ADGRE5: variants seen among roughly 807,000 people sequenced by gnomAD.
The protein encoded by ADGRE5 is adhesion G protein-coupled receptor E5, also known as CD97 molecule.
In ADGRE5, 72 loss-of-function variants were observed where a neutral mutation model predicts 100.3. The observed-to-expected ratio is 0.72, with a 90% CI of 0.59 to 0.87. ADGRE5 has a LOEUF of 0.87. Ranked by LOEUF, ADGRE5 falls within the 40% of genes least tolerant of loss-of-function variation. The pLI is 0.00. For synonymous variants in ADGRE5, 439 were observed against 447.8 expected, an observed-to-expected ratio of 0.98 and a Z score of 0.25; for missense variants, 959 against 1,094.7, an observed-to-expected ratio of 0.88 and a Z score of 1.75.
Position 14,396,578 on chromosome 19 carries a change from C to T in ADGRE5, c.478+105C>T, listed in dbSNP as rs563446914. 1.5e-4 allele frequency: 224 copies of T among 1,526,876 alleles called. No individual in the cohort carries two copies. The African/African-American group carries it at 2.8e-3, about 19-fold the overall frequency. The allele number at this position is 1,526,876 out of a possible 1,614,324, so 94.6% of individuals were successfully genotyped here. ...GAGGAGGGGGAAGATCCGCAGGTTCCCACAAGGTCAAGGACCTGCTAAGCC... is the reference window on the plus strand; with the variant it reads ...GAGGAGGGGGAAGATCCGCAGGTTCTCACAAGGTCAAGGACCTGCTAAGCC... On this transcript the variant is annotated intron_variant, in intron 5 of 19. Coordinates refer to ENST00000242786, the MANE Select transcript of ADGRE5 (RefSeq NM_078481.4).
chr19:14,402,716 C>G lies in ADGRE5; in HGVS notation c.1303C>G (p.Arg435Gly). 6.2e-7 allele frequency: 1 copy of G among 1,614,160 alleles called. No individual in the cohort carries two copies. The highest frequency in any genetic ancestry group is 8.5e-7 in the Non-Finnish European group (1 of 1,180,036). Residue 435 changes from arginine (R) to glycine (G), a missense_variant, in exon 12 of 20, where the codon CGT becomes GGT. This residue lies in a region of ADGRE5 where 246 missense variants were observed against 242.2 expected (regional missense o/e 1.02). Transcript: ENST00000242786. ...GGAGGAGATATATGAAAGCAGCATC[C>G]GTGGTGTCCAACTCAGACGCCTCTC... Reference protein sequence around the residue: ...ELEEIYESSIRGVQLRRLSAV... With the variant: ...ELEEIYESSIGGVQLRRLSAV...
chr19:14,403,864 CTTTTTTTT>C (rs58411522), intron 12 of ADGRE5, among the ~76,000 whole-genome samples: 4 of 74,264 alleles, frequency 5.4e-5, no homozygotes, highest in Admixed American at 1.6e-4. Flanking sequence ...GCCTCTCCCA[CTTTTTTTT>C]TTTTTTTTTT....
At chr19:14,385,010 CTTTTTTTTTTTTT>C (rs56960989) in intron 1 of ADGRE5, among the ~76,000 whole-genome samples, 2 of 68,684 alleles carry the variant, frequency 2.9e-5, no homozygotes, top group South Asian at 7.4e-4. Flanking sequence ...GACTCTTGCT[CTTTTTTTTTTTTT>C]TTTTTTTTTG....
At position 14,384,987 on chromosome 19, in the gene ADGRE5, T is replaced by C. The variant is rs557036638; in HGVS notation, c.22+3442T>C. On this transcript the variant is annotated intron_variant, in intron 1 of 19. Coordinates refer to ENST00000242786, the MANE Select transcript of ADGRE5 (RefSeq NM_078481.4). ...CTTTGTTCTTTTCTTTTCTTTCTTT[T>C]TTTTTTTTTTGAGACTCTTGCTCTT... Among the ~76,000 whole-genome samples, 745 of 149,516 alleles carry C rather than the reference T, an allele frequency of 5.0e-3. 4 individuals carry two copies. The highest frequency in any genetic ancestry group is 8.2e-3 in the Non-Finnish European group (553 of 67,400).
Position 14,401,908 on chromosome 19 carries a change from A to G in ADGRE5, c.1183+148A>G, listed in dbSNP as rs535030208. The G allele has an allele frequency of 1.9e-6, 1 of 515,120 alleles. No homozygotes were observed. Among genetic ancestry groups the G allele is most frequent in the South Asian group, 3.3e-5 (1 of 30,750 alleles). 31.9% of individuals were successfully genotyped at this position (515,120 alleles called of 1,614,324 possible). ...CATTTTGGGAGGCCCAGGTGGGTAGATCGCTTGAGCTCAGAAGTTCAAGAC... is the reference window on the plus strand; with the variant it reads ...CATTTTGGGAGGCCCAGGTGGGTAGGTCGCTTGAGCTCAGAAGTTCAAGAC... On this transcript the variant is annotated intron_variant, in intron 11 of 19. Coordinates refer to ENST00000242786, the MANE Select transcript of ADGRE5 (RefSeq NM_078481.4). The surrounding 1 kb of genome is among the most constrained non-coding windows in gnomAD (Gnocchi z 4.1).
In ADGRE5 at chr19:14,408,374, G is replaced by A. The variant is rs1020580253; in HGVS notation, c.*253G>A. The A allele has an allele frequency of 1.6e-6, 1 of 610,994 alleles. No homozygotes were observed. The highest frequency in any genetic ancestry group is 2.9e-6 in the Non-Finnish European group (1 of 340,998). The allele number at this position is 610,994 out of a possible 1,614,324, so 37.8% of individuals were successfully genotyped here. ...CCTTGTGACCCAGGGTGGGGACAGG[G>A]GCTGGCCCAGGGCTGCAATGCAGCA... On this transcript the variant is annotated 3_prime_UTR_variant, in exon 20 of 20. Transcript: ENST00000242786.
intron 5 of ADGRE5, 100 bp downstream of exon 5, chr19:14,396,573 G>T (rs1182835462): frequency 6.5e-7 from 1 of 1,542,448 alleles, no homozygotes; most frequent in East Asian, 2.3e-5. Context: ...AAGATCCGCA[G>T]GTTCCCACAA....
chr19:14,385,010 C>CTTTTTTTTT (rs56960989), intron 1 of ADGRE5, among the ~76,000 whole-genome samples: 9 of 68,690 alleles, frequency 1.3e-4, no homozygotes, highest in Admixed American at 3.5e-4. Context: ...GACTCTTGCT[C>CTTTTTTTTT]TTTTTTTTTT....
chr19:14,406,212 C>T lies in ADGRE5; in HGVS notation c.1822-119C>T, dbSNP rs1368537491. Reference sequence around the variant, plus strand: ...GGGGAAACCTGGCCCCCGCTCCAGACCCGCCCACCCTCCGGCTGTGGTCCC... The same window carrying T: ...GGGGAAACCTGGCCCCCGCTCCAGATCCGCCCACCCTCCGGCTGTGGTCCC... On this transcript the variant is annotated intron_variant, in intron 14 of 19. Transcript: ENST00000242786. The surrounding 1 kb of genome is among the most constrained non-coding windows in gnomAD (Gnocchi z 6.0). The T allele has an allele frequency of 4.0e-5, 34 of 851,932 alleles. 1 individual carries two copies. In the South Asian group the frequency reaches 5.7e-4, roughly 14 times the overall value. 52.8% of individuals were successfully genotyped at this position (851,932 alleles called of 1,614,324 possible). A position where few individuals can be genotyped will look rare whatever the true frequency, so the allele number is the denominator to read the frequency against.
rs377627126 is a variant in ADGRE5, at chr19:14,404,557, G to C, written c.1624G>C (p.Val542Leu). ...SFAILMAHYD[V>L]EDWKLTLITR... Reference sequence around the variant, plus strand: ...TGCGATCCTTATGGCTCATTATGACGTGGAGGTAAGTAGCTGGAGGCATCC... The same window carrying C: ...TGCGATCCTTATGGCTCATTATGACCTGGAGGTAAGTAGCTGGAGGCATCC... The change falls in exon 13 of 20, where the codon GTG (valine) becomes CTG (leucine). Residue 542 changes from valine (V) to leucine (L), a missense_variant. Val to Leu is a conservative substitution (Grantham distance 32). Transcript: ENST00000242786. The C allele has an allele frequency of 2.5e-6, 4 of 1,612,336 alleles. No individual in the cohort carries two copies. The highest frequency in any genetic ancestry group is 1.7e-4 in the Middle Eastern group (1 of 6,052).
At chr19:14,388,880 G>C in intron 3 of ADGRE5, 62 bp downstream of exon 3, 1 of 1,460,446 alleles carries the variant, frequency 6.8e-7, no homozygotes, top group South Asian at 1.1e-5. Flanking sequence ...CCCAGCCAGT[G>C]GGGGACAGAG....
At position 14,404,463 on chromosome 19, in the gene ADGRE5, C is replaced by T. The variant is rs368876788; in HGVS notation, c.1530C>T (p.Thr510=). 24 of 1,612,204 alleles carry T rather than the reference C, an allele frequency of 1.5e-5. No homozygotes were observed. In the East Asian group the frequency reaches 1.8e-4, roughly 12 times the overall value. ...GCGACAGGGGAGGGCACTGGGCCAC[C>T]GAGGGCTGCCAGGTGCTGGGCAGCA... ...SDSDRGGHWA[T]EGCQVLGSKN... is the part of the protein sequence containing the mutation. The change falls in exon 13 of 20, where the codon ACC becomes ACT. Residue 510 remains threonine, a synonymous_variant. Transcript: ENST00000242786.
Position 14,408,110 on chromosome 19 carries a change from T to A in ADGRE5, c.2497T>A (p.Ser833Thr), listed in dbSNP as rs1052864114. Residue 833 changes from serine (S) to threonine (T), a missense_variant, in exon 20 of 20, where the codon TCC (serine) becomes ACC (threonine). By Grantham distance (58) the Ser-to-Thr change is moderately conservative. This residue lies in a region of ADGRE5 where 428 missense variants were observed against 386.2 expected (regional missense o/e 1.11). Transcript: ENST00000242786. Reference protein sequence around the residue: ...NQTRALRASESGI With the variant: ...NQTRALRASETGI ...TCTCCAGGCCCTCAGGGCATCAGAG[T>A]CCGGCATATGAAGGCGCATGGTTCT... 6.2e-7 allele frequency: 1 copy of A among 1,613,010 alleles called. No homozygotes were observed. Among genetic ancestry groups the A allele is most frequent in the Non-Finnish European group, 8.5e-7 (1 of 1,179,918 alleles).
intron 12 of ADGRE5, 29 bp from the exon 13 acceptor site, chr19:14,404,354 C>A: frequency 2.5e-6 from 4 of 1,591,422 alleles, no homozygotes; most frequent in Middle Eastern, 3.9e-4. Context: ...TCCAGGCCAA[C>A]CTTTCTGACC....
At chr19:14,404,643 A>G in intron 13 of ADGRE5, 81 bp downstream of exon 13, 1 of 1,385,590 alleles carries the variant, frequency 7.2e-7, no homozygotes, top group Admixed American at 2.2e-5. Flanking sequence ...TTCTCCATGG[A>G]GCCCTACTGG....
At position 14,406,526 on chromosome 19, in the gene ADGRE5, A is replaced by G. The variant is rs1599635412; in HGVS notation, c.2017A>G (p.Ile673Val). 5 of 1,574,382 alleles carry G rather than the reference A, an allele frequency of 3.2e-6. No homozygotes were observed. Among genetic ancestry groups the G allele is most frequent in the Non-Finnish European group, 4.3e-6 (5 of 1,160,326 alleles). ...GCTCATCGTGGGCGTCTCGGCTGCCATCTACAGCAAGGGCTACGGCCGCCC... is the reference window on the plus strand; with the variant it reads ...GCTCATCGTGGGCGTCTCGGCTGCCGTCTACAGCAAGGGCTACGGCCGCCC... ...PLLIVGVSAA[I>V]YSKGYGRPRY... The change falls in exon 15 of 20, where the codon ATC becomes GTC. Residue 673 changes from isoleucine to valine, a missense_variant. Transcript: ENST00000242786. This position sits in a 1 kb window ranked among gnomAD's most constrained non-coding sequence, Gnocchi z 6.0.
Position 14,401,749 on chromosome 19 carries a change from C to T in ADGRE5, c.1172C>T (p.Ala391Val), listed in dbSNP as rs769484947. 6.4e-7 allele frequency: 1 copy of T among 1,553,822 alleles called. No homozygotes were observed. The highest frequency in any genetic ancestry group is 2.0e-5 in the Admixed American group (1 of 50,128). ...CTGAATTGGGCTGTGGCAGCTGGAGCCGAGGATCCAGGTAGCAGCGGTGGT... is the reference window on the plus strand; with the variant it reads ...CTGAATTGGGCTGTGGCAGCTGGAGTCGAGGATCCAGGTAGCAGCGGTGGT... The part of the protein sequence containing the change: ...MKLNWAVAAG[A>V]EDPGPAVAGI... The change falls in exon 11 of 20, where the codon GCC (alanine) becomes GTC (valine). Residue 391 changes from alanine to valine, a missense_variant. This residue lies in a region of ADGRE5 where 246 missense variants were observed against 242.2 expected (regional missense o/e 1.02). Transcript: ENST00000242786. This position sits in a 1 kb window ranked among gnomAD's most constrained non-coding sequence, Gnocchi z 4.1.
At chr19:14,388,646 C>T (rs1484697506) in intron 2 of ADGRE5, 56 bp from the exon 3 acceptor site, 3 of 1,608,046 alleles carry the variant, frequency 1.9e-6, no homozygotes, top group Non-Finnish European at 2.6e-6. Context: ...CCCAGTGCCC[C>T]CTTTTTGTGT....
chr19:14,395,778 A>G (rs1975753994), intron 4 of ADGRE5, among the ~76,000 whole-genome samples: 1 of 152,114 alleles, frequency 6.6e-6, no homozygotes, highest in Admixed American at 6.5e-5. Context: ...CCTGTCCCAC[A>G]TCATCCCGCA....
Sources: gnomAD v4.1 joint callset for allele counts (sites outside exome capture counted in the v4.1 genomes callset) on GRCh38, gnomAD v4.1.1 for gene constraint, gnomAD v4.1.1 regional missense constraint, Gnocchi (gnomAD v3.1) non-coding constraint, MANE v1.5 for transcripts, NCBI Gene and HGNC (gene_info 2026-07-23, HGNC 2026-07-21) for gene names.